The following CDH1 variants were observed in gnomAD, a reference collection of about 807,000 sequenced individuals.
CDH1 encodes cadherin 1, also known as cadherin-1.
A neutral mutation model predicts 84.5 loss-of-function variants in CDH1; 35 were observed. The ratio of observed to expected loss-of-function variants is 0.41; its 90% CI spans 0.32 to 0.55. The LOEUF is 0.55. CDH1 is among the 20% of genes least tolerant of loss of function. The pLI is 0.19. For synonymous variants in CDH1, 417 were observed against 439.0 expected, an observed-to-expected ratio of 0.95 and a Z score of 0.63; for missense variants, 994 against 1,126.6, an observed-to-expected ratio of 0.88 and a Z score of 1.68.
Position 68,812,166 on chromosome 16 carries a change from C to T in CDH1, c.1040C>T (p.Ala347Val), listed in dbSNP as rs2152132547. 3.7e-6 allele frequency: 6 copies of T among 1,614,188 alleles called. No homozygotes were observed. Among genetic ancestry groups the T allele is most frequent in the Non-Finnish European group, 4.2e-6 (5 of 1,180,022 alleles). ...CCTACGTATACCCTGGTGGTTCAAGCTGCTGACCTTCAAGGTGAGGGGTTA... is the reference window on the plus strand; with the variant it reads ...CCTACGTATACCCTGGTGGTTCAAGTTGCTGACCTTCAAGGTGAGGGGTTA... The part of the protein sequence containing the change: ...SFPTYTLVVQ[A>V]ADLQGEGLST... Residue 347 changes from alanine (A) to valine (V), a missense_variant, in exon 8 of 16, where the codon GCT (alanine) becomes GTT (valine). Physicochemically the swap from Ala to Val is moderately conservative, Grantham distance 64 (BLOSUM62 0). Transcript: ENST00000261769.
chr16:68,750,270 G>T (rs532505076), intron 2 of CDH1, among the ~76,000 whole-genome samples: 1 of 150,996 alleles, frequency 6.6e-6, no homozygotes, highest in African/African-American at 2.4e-5. Context: ...TCTTCCTTTC[G>T]GTCTCTTTCA....
Position 68,815,595 on chromosome 16 carries a change from C to G in CDH1, c.1401C>G (p.Thr467=), listed in dbSNP as rs1057523832. 1 of 1,614,176 alleles carries G rather than the reference C, an allele frequency of 6.2e-7. No individual in the cohort carries two copies. The highest frequency in any genetic ancestry group is 8.5e-7 in the Non-Finnish European group (1 of 1,180,036). ...TNVVPFEVSL[T]TSTATVTVDV... is the part of the protein sequence containing the mutation. ...TGGTACCTTTTGAGGTCTCTCTCAC[C>G]ACCTCCACAGCCACCGTCACCGTGG... is the stretch of plus-strand genomic sequence containing the variant. Residue 467 remains threonine (T), a synonymous_variant, in exon 10 of 16, where the codon ACC becomes ACG. Coordinates refer to ENST00000261769, the MANE Select transcript of CDH1 (RefSeq NM_004360.5).
intron 2 of CDH1, among the ~76,000 whole-genome samples, chr16:68,799,423 G>A (rs1324869761): frequency 2.6e-5 from 4 of 152,174 alleles, no homozygotes; most frequent in Admixed American, 2.0e-4. Flanking sequence ...AGCTCTTCCT[G>A]GTTTCGTTGC....
At chr16:68,818,657 G>A (rs1961050653) in intron 10 of CDH1, among the ~76,000 whole-genome samples, 1 of 150,804 alleles carries the variant, frequency 6.6e-6, no homozygotes, top group Admixed American at 6.6e-5. Flanking sequence ...GACCATCCTG[G>A]CTAAAACGGT....
intron 2 of CDH1, among the ~76,000 whole-genome samples, chr16:68,753,283 A>G (rs1962935155): frequency 1.3e-5 from 2 of 151,164 alleles, no homozygotes; most frequent in South Asian, 4.2e-4. Context: ...TCATGGCTTC[A>G]AAATCCATCT....
chr16:68,786,612 G>A (rs1960058705), intron 2 of CDH1, among the ~76,000 whole-genome samples: 1 of 142,586 alleles, frequency 7.0e-6, no homozygotes, highest in Non-Finnish European at 1.5e-5. Context: ...CCTGAGCCAA[G>A]GCACACATAT....
At chr16:68,784,245 C>A (rs1016952998) in intron 2 of CDH1, among the ~76,000 whole-genome samples, 3 of 152,116 alleles carry the variant, frequency 2.0e-5, no homozygotes, top group African/African-American at 7.2e-5. Flanking sequence ...TCCTACTTGC[C>A]ATGATGTCCA....
At chr16:68,746,161 C>G (rs1962737179) in intron 2 of CDH1, among the ~76,000 whole-genome samples, 1 of 152,224 alleles carries the variant, frequency 6.6e-6, no homozygotes, top group Non-Finnish European at 1.5e-5. Context: ...GGTGCGGTGG[C>G]TTACGCCTGT....
chr16:68,822,795 A>G, intron 12 of CDH1: 1 of 241,778 alleles, frequency 4.1e-6, no homozygotes, highest in South Asian at 5.7e-5. Context: ...AAAATGCAAA[A>G]CCAGTGTGGC....
At position 68,757,767 on chromosome 16, in the gene CDH1, C is replaced by CTCCT. The variant is rs58548890; in HGVS notation, c.163+19378_163+19381dup. On this transcript the variant is annotated intron_variant, in intron 2 of 15. Coordinates refer to ENST00000261769, the MANE Select transcript of CDH1 (RefSeq NM_004360.5). The stretch of plus-strand genomic sequence containing the variant: ...TCTCTCTCTTTTTCTTTCTCTCTCT[C>CTCCT]TCCTTCCTTCCTTCCTTCCTTCCTT... 8.6e-3 allele frequency among the ~76,000 whole-genome samples: 1,277 copies of CTCCT among 148,014 alleles called. 16 individuals are homozygous for CTCCT. Among genetic ancestry groups the CTCCT allele is most frequent in the East Asian group, 0.049 (243 of 4,986 alleles).
At chr16:68,802,391 C>T (rs35463772) in intron 3 of CDH1, among the ~76,000 whole-genome samples, 2 of 152,274 alleles carry the variant, frequency 1.3e-5, no homozygotes, top group East Asian at 1.9e-4. Context: ...GCTAAAAATA[C>T]GCAAGGCATA....
chr16:68,766,501 G>T (rs1001370782), intron 2 of CDH1, among the ~76,000 whole-genome samples: 1 of 152,214 alleles, frequency 6.6e-6, no homozygotes, highest in African/African-American at 2.4e-5. Context: ...CTGTAAAATG[G>T]CATTAGTAGA....
chr16:68,828,571 A>G (rs1161500057), intron 14 of CDH1, among the ~76,000 whole-genome samples: 1 of 152,214 alleles, frequency 6.6e-6, no homozygotes, highest in Non-Finnish European at 1.5e-5. Context: ...CTAAGGTCAC[A>G]CAGCTAGGAA....
At chr16:68,745,550 A>AATATATATATATATG (rs71253605) in intron 2 of CDH1, among the ~76,000 whole-genome samples, 638 of 50,430 alleles carry the variant, frequency 0.013, 12 homozygotes, top group Non-Finnish European at 0.017. Flanking sequence ...AAAAAAAAAA[A>AATATATATATATATG]TATATATATA....
rs557163298 is a variant in CDH1 at position 68,835,469 on chromosome 16, ACAATT to A, written c.*1974_*1978del. 147 of 209,914 alleles carry A rather than the reference ACAATT, an allele frequency of 7.0e-4. No individual in the cohort carries two copies. The highest frequency in any genetic ancestry group is 3.1e-3 in the Middle Eastern group (2 of 636). 13.0% of individuals were successfully genotyped at this position (209,914 alleles called of 1,614,324 possible). ...TTTTCTTTGGGGGTGGAAAAGGAAAACAATTCAAGCTGAGAAAAGTATTCTCAAAG... is the reference window on the plus strand; with the variant it reads ...TTTTCTTTGGGGGTGGAAAAGGAAAACAAGCTGAGAAAAGTATTCTCAAAG... On this transcript the variant is annotated 3_prime_UTR_variant, in exon 16 of 16. Transcript: ENST00000261769.
intron 2 of CDH1, among the ~76,000 whole-genome samples, chr16:68,772,834 G>A (rs1237535759): frequency 6.6e-6 from 1 of 152,114 alleles, no homozygotes; most frequent in Non-Finnish European, 1.5e-5. Context: ...GGCTGAGGTG[G>A]GAGGATCGCT....
intron 2 of CDH1, among the ~76,000 whole-genome samples, chr16:68,751,738 G>T (rs1962887593): frequency 6.6e-6 from 1 of 151,592 alleles, no homozygotes; most frequent in African/African-American, 2.4e-5. Context: ...CCTAACCTCA[G>T]GTGATCCACC....
intron 2 of CDH1, among the ~76,000 whole-genome samples, chr16:68,785,711 C>T (rs9925923): frequency 0.27 from 41,467 of 151,712 alleles, 5,769 homozygotes; most frequent in Middle Eastern, 0.33. Context: ...TGTGTCTTGA[C>T]GATCATTCCC....
At chr16:68,775,722 A>G (rs1705423212) in intron 2 of CDH1, among the ~76,000 whole-genome samples, 1 of 152,242 alleles carries the variant, frequency 6.6e-6, no homozygotes, top group African/African-American at 2.4e-5. Flanking sequence ...AGCGTCTAAG[A>G]TAAAGCTGAT....
Sources: gnomAD v4.1 joint callset for allele counts (sites outside exome capture counted in the v4.1 genomes callset) on GRCh38, gnomAD v4.1.1 for gene constraint, MANE v1.5 for transcripts, NCBI Gene and HGNC (gene_info 2026-07-23, HGNC 2026-07-21) for gene names.